COL10A1: variants seen among roughly 807,000 people sequenced by gnomAD.
COL10A1 encodes the protein collagen alpha-1(X) chain.
In COL10A1, 10 loss-of-function variants were observed where a neutral mutation model predicts 18.2. That is an observed-to-expected ratio of 0.55 (90% CI 0.34 to 0.93). COL10A1 has a LOEUF of 0.93. COL10A1 is among the 40% of genes least tolerant of loss of function. COL10A1 has a pLI of 0.02. For synonymous variants in COL10A1, 330 were observed against 316.6 expected, an observed-to-expected ratio of 1.04 and a Z score of -0.45; for missense variants, 897 against 853.5, an observed-to-expected ratio of 1.05 and a Z score of -0.64.
the COL10A1 span, among the ~76,000 whole-genome samples, chr6:116,164,835 A>C: frequency 6.6e-6 from 1 of 152,058 alleles, no homozygotes; most frequent in African/African-American, 2.4e-5. Context: ...AAAAAGATAC[A>C]CGCTTTGGGA....
chr6:116,186,421 A>G, the COL10A1 span, among the ~76,000 whole-genome samples: 5 of 151,662 alleles, frequency 3.3e-5, no homozygotes, highest in African/African-American at 7.3e-5. Context: ...GGATGCCTAG[A>G]TCTCTAGCAA....
chr6:116,182,739 T>G, the COL10A1 span, among the ~76,000 whole-genome samples: 7 of 151,992 alleles, frequency 4.6e-5, no homozygotes, highest in Non-Finnish European at 1.0e-4. Flanking sequence ...GATTGTTTGT[T>G]TTTTTCTTGC....
chr6:116,121,606 C>T lies in COL10A1; in HGVS notation c.510G>A (p.Arg170=), dbSNP rs1221370681. 1 of 1,613,816 alleles carries T rather than the reference C, an allele frequency of 6.2e-7. No individual in the cohort carries two copies. The highest frequency in any genetic ancestry group is 8.5e-7 in the Non-Finnish European group (1 of 1,179,900). ...GTGCACCCTTTTCTCCAGGAAAGCC[C>T]CTGGGTCCTGGGGCTCCTGTGGGTC... ...QQGPTGAPGP[R]GFPGEKGAPG... is the part of the protein sequence containing the mutation. The change falls in exon 3 of 3, where the codon AGG becomes AGA. Residue 170 remains arginine (R), a synonymous_variant. Transcript: ENST00000651968.
At position 116,120,916 on chromosome 6, in the gene COL10A1, C is replaced by CT. The variant is rs770121699; in HGVS notation, c.1199dup (p.Asn402Ter). On this transcript the variant is annotated frameshift_variant, in exon 3 of 3. Coordinates refer to ENST00000651968, the MANE Select transcript of COL10A1 (RefSeq NM_000493.4). LOFTEE classifies it low-confidence loss of function (END_TRUNC). ...TTGGACCTGGTAACCCTGGGTTACC[C>CT]TTAGGACCATCGAGACCTGGTTTTC... 9.3e-6 allele frequency: 15 copies of CT among 1,613,814 alleles called. No individual in the cohort carries two copies. The highest frequency in any genetic ancestry group is 1.3e-5 in the Non-Finnish European group (15 of 1,179,926).
At chr6:116,204,970 A>T in the COL10A1 span, among the ~76,000 whole-genome samples, 2 of 151,990 alleles carry the variant, frequency 1.3e-5, no homozygotes, top group African/African-American at 4.8e-5. Context: ...ATGTGTGTGT[A>T]AGTCCATAAC....
At position 116,121,705 on chromosome 6, in the gene COL10A1, G is replaced by C; in HGVS notation, c.411C>G (p.Pro137=). The change falls in exon 3 of 3, where the codon CCC becomes CCG. Residue 137 remains proline, a synonymous_variant. Coordinates refer to ENST00000651968, the MANE Select transcript of COL10A1 (RefSeq NM_000493.4). ...GDVGPAGLPG[P]RGPPGPPGIP... ...TTCCAGGTGGTCCTGGTGGGCCCCGGGGTCCTGGTAGGCCAGCTGGTCCAA... is the reference window on the plus strand; with the variant it reads ...TTCCAGGTGGTCCTGGTGGGCCCCGCGGTCCTGGTAGGCCAGCTGGTCCAA... 18 of 1,613,984 alleles carry C rather than the reference G, an allele frequency of 1.1e-5. No individual in the cohort carries two copies. Among genetic ancestry groups the C allele is most frequent in the Non-Finnish European group, 1.5e-5 (18 of 1,179,978 alleles).
At chr6:116,173,360 T>A in the COL10A1 span, among the ~76,000 whole-genome samples, 1 of 152,184 alleles carries the variant, frequency 6.6e-6, no homozygotes, top group South Asian at 2.1e-4. Flanking sequence ...CAATCTGAAG[T>A]TGAAATACCT....
chr6:116,159,001 A>G (rs908031970), upstream of COL10A1, among the ~76,000 whole-genome samples: 2 of 152,186 alleles, frequency 1.3e-5, no homozygotes, highest in Admixed American at 1.3e-4. Context: ...TTGCATTAGA[A>G]TAGCTCAAAT....
chr6:116,198,397 G>C, the COL10A1 span, among the ~76,000 whole-genome samples: 1 of 152,002 alleles, frequency 6.6e-6, no homozygotes, highest in Admixed American at 6.6e-5. Context: ...CAAGCAGCTT[G>C]TTTAAAGAGC....
chr6:116,194,890 C>G, the COL10A1 span, among the ~76,000 whole-genome samples: 1 of 151,950 alleles, frequency 6.6e-6, no homozygotes, highest in East Asian at 1.9e-4. Flanking sequence ...TAGTTTGATA[C>G]AAGCATATTT....
At chr6:116,164,552 T>C in the COL10A1 span, among the ~76,000 whole-genome samples, 2 of 152,214 alleles carry the variant, frequency 1.3e-5, no homozygotes, top group Non-Finnish European at 2.9e-5. Context: ...TGCTAATCTA[T>C]CTCTTTCAAG....
At chr6:116,127,314 T>TA (rs1334583091), upstream of COL10A1, among the ~76,000 whole-genome samples, 1 of 152,160 alleles carries the variant, frequency 6.6e-6, no homozygotes, top group Non-Finnish European at 1.5e-5. Flanking sequence ...TGTATAGCCC[T>TA]TTATGGAAAT....
chr6:116,181,992 C>G, the COL10A1 span, among the ~76,000 whole-genome samples: 1 of 151,808 alleles, frequency 6.6e-6, no homozygotes, highest in African/African-American at 2.4e-5. Context: ...TACACTATAC[C>G]CAGTGTATAG....
At chr6:116,212,119 AT>A in the COL10A1 span, among the ~76,000 whole-genome samples, 2 of 152,074 alleles carry the variant, frequency 1.3e-5, no homozygotes, top group Non-Finnish European at 2.9e-5. Flanking sequence ...TCTTTTTCAA[AT>A]TTTTTATTAA....
intron 2 of COL10A1, 52 bp downstream of exon 2, chr6:116,125,287 T>A (rs1042750688): frequency 5.0e-6 from 8 of 1,588,482 alleles, no homozygotes; most frequent in Non-Finnish European, 6.9e-6. Context: ...ATTAAGATTA[T>A]AGAAAGCAAC....
chr6:116,185,016 C>G, the COL10A1 span, among the ~76,000 whole-genome samples: 18 of 151,918 alleles, frequency 1.2e-4, no homozygotes, highest in Non-Finnish European at 2.4e-4. Flanking sequence ...GAACTTCCCT[C>G]TTAGCACTGC....
intron 2 of COL10A1, among the ~76,000 whole-genome samples, chr6:116,124,854 G>C (rs1271944529): frequency 6.6e-6 from 1 of 152,164 alleles, no homozygotes; most frequent in Admixed American, 6.5e-5. Context: ...TCATTGTTGG[G>C]GGGGAGGCCA....
intron 1 of COL10A1, among the ~76,000 whole-genome samples, chr6:116,135,834 G>GATATATATATATATATAT (rs199827970): frequency 2.0e-5 from 2 of 102,350 alleles, no homozygotes; most frequent in Non-Finnish European, 2.0e-5. Context: ...TATATTTTCA[G>GATATATATATATATATAT]ATATATATAT....
chr6:116,142,634 A>G (rs920387126), intron 1 of COL10A1, among the ~76,000 whole-genome samples: 5 of 152,192 alleles, frequency 3.3e-5, no homozygotes, highest in Non-Finnish European at 5.9e-5. Context: ...CGAGCTGGGC[A>G]TCTTGATAGA....
Sources: allele counts gnomAD v4.1 joint callset (sites outside exome capture counted in the v4.1 genomes callset), GRCh38; gene constraint gnomAD v4.1.1; transcripts MANE v1.5; gene names NCBI Gene and HGNC (gene_info 2026-07-23, HGNC 2026-07-21).